The following RIN3 variants were observed in gnomAD, a reference collection of about 807,000 sequenced individuals.
RIN3 encodes the protein Ras and Rab interactor 3, also known as RAB5 interacting protein 3.
A neutral mutation model predicts 76.3 loss-of-function variants in RIN3; 54 were observed. The ratio of observed to expected loss-of-function variants is 0.71; its 90% CI spans 0.57 to 0.89. The LOEUF (loss-of-function observed/expected upper bound fraction) is 0.89. RIN3 is among the 40% of genes least tolerant of loss of function. RIN3 has a pLI of 0.00. For synonymous variants in RIN3, 576 were observed against 564.0 expected, an observed-to-expected ratio of 1.02 and a Z score of -0.30; for missense variants, 1,256 against 1,322.1, an observed-to-expected ratio of 0.95 and a Z score of 0.78.
chr14:92,687,732 G>T, intron 9 of RIN3, 194 bp from the exon 10 acceptor site: 1 of 549,652 alleles, frequency 1.8e-6, no homozygotes, highest in East Asian at 3.4e-5. Context: ...TGTCGGCCCA[G>T]CTGGGAAGCC....
intron 7 of RIN3, among the ~76,000 whole-genome samples, chr14:92,673,912 G>A (rs7153095): frequency 6.6e-6 from 1 of 152,038 alleles, no homozygotes; most frequent in Non-Finnish European, 1.5e-5. Flanking sequence ...GCCCACATAC[G>A]TTTGTGACGG....
intron 4 of RIN3, among the ~76,000 whole-genome samples, chr14:92,621,780 A>G (rs1194873228): frequency 6.6e-6 from 1 of 152,260 alleles, no homozygotes; most frequent in Non-Finnish European, 1.5e-5. Context: ...TTGGTAGACA[A>G]CATATAACAG....
chr14:92,531,280 A>G lies in RIN3; in HGVS notation c.44+17304A>G, dbSNP rs563342972. ...GATGGAATGTCTGTGTCCCCACAAA[A>G]TGTATGTGTTGAAATCCAATCCTCT... is the stretch of plus-strand genomic sequence containing the variant. On this transcript the variant is annotated intron_variant, in intron 1 of 9. Coordinates refer to ENST00000216487, the MANE Select transcript of RIN3 (RefSeq NM_024832.5). Among the ~76,000 whole-genome samples, 5 of 152,214 alleles carry G rather than the reference A, an allele frequency of 3.3e-5. No individual in the cohort carries two copies. In the South Asian group the frequency reaches 1.0e-3, roughly 32 times the overall value.
intron 1 of RIN3, among the ~76,000 whole-genome samples, chr14:92,555,500 G>A (rs1351940060): frequency 9.2e-5 from 14 of 152,142 alleles, no homozygotes. Context: ...ACACACACAG[G>A]CTGGTTTTGA....
Position 92,618,184 on chromosome 14 carries a change from C to T in RIN3, c.440+2705C>T, listed in dbSNP as rs117623276. Among the ~76,000 whole-genome samples, 150 of 152,224 alleles carry T rather than the reference C, an allele frequency of 9.9e-4. 3 individuals carry two copies. In the East Asian group the frequency reaches 0.022, roughly 23 times the overall value. On this transcript the variant is annotated intron_variant, in intron 4 of 9. Coordinates refer to ENST00000216487, the MANE Select transcript of RIN3 (RefSeq NM_024832.5). ...ATAAGGCTGGCTGCAAACTCCTGCA[C>T]GAATAAAAGTACACCCCATAAGTGC... is the stretch of plus-strand genomic sequence containing the variant.
chr14:92,667,872 G>T (rs115320739), intron 7 of RIN3, among the ~76,000 whole-genome samples: 1,508 of 148,302 alleles, frequency 0.01, 29 homozygotes, highest in African/African-American at 0.037. Flanking sequence ...TGACAGGAAT[G>T]GGGGGGCATC....
intron 3 of RIN3, among the ~76,000 whole-genome samples, chr14:92,596,122 A>G (rs1165130313): frequency 6.6e-6 from 1 of 152,168 alleles, no homozygotes; most frequent in Non-Finnish European, 1.5e-5. Context: ...TTCACATTGG[A>G]AACTTTTAGG....
At chr14:92,636,044 C>T (rs542289791) in intron 4 of RIN3, among the ~76,000 whole-genome samples, 33 of 152,252 alleles carry the variant, frequency 2.2e-4, no homozygotes, top group Non-Finnish European at 4.3e-4. Flanking sequence ...ATGGGGCAAG[C>T]CATTTAGTCC....
chr14:92,619,430 G>T (rs1886089311), intron 4 of RIN3, among the ~76,000 whole-genome samples: 2 of 133,912 alleles, frequency 1.5e-5, no homozygotes, highest in Non-Finnish European at 1.5e-5. Flanking sequence ...ACTGTTTCTA[G>T]TAGTCTTTTT....
intron 1 of RIN3, among the ~76,000 whole-genome samples, chr14:92,535,325 T>C (rs535919133): frequency 1.3e-5 from 2 of 149,498 alleles, no homozygotes; most frequent in East Asian, 3.9e-4. Flanking sequence ...TTTTTTCTTT[T>C]CTTTCTTTCT....
chr14:92,566,291 G>T (rs1050130466), intron 2 of RIN3, among the ~76,000 whole-genome samples: 3 of 152,160 alleles, frequency 2.0e-5, no homozygotes, highest in African/African-American at 7.2e-5. Flanking sequence ...TCAAGTGGTT[G>T]GCTTTTTGTC....
At chr14:92,646,471 T>A (rs1887203528) in intron 5 of RIN3, among the ~76,000 whole-genome samples, 1 of 152,176 alleles carries the variant, frequency 6.6e-6, no homozygotes. Flanking sequence ...TCTCACTCTT[T>A]TTGCCCAGGC....
chr14:92,525,486 G>C (rs1431822948), intron 1 of RIN3, among the ~76,000 whole-genome samples: 7 of 152,130 alleles, frequency 4.6e-5, no homozygotes, highest in Non-Finnish European at 1.0e-4. Context: ...TGTTTGCTGA[G>C]TTAATATATG....
chr14:92,575,480 T>G (rs958725185), intron 2 of RIN3, among the ~76,000 whole-genome samples: 2 of 152,204 alleles, frequency 1.3e-5, no homozygotes, highest in Non-Finnish European at 2.9e-5. Context: ...CATGCTCGAC[T>G]GATTATGCTT....
At chr14:92,562,299 G>T (rs948438049) in intron 2 of RIN3, among the ~76,000 whole-genome samples, 2 of 152,082 alleles carry the variant, frequency 1.3e-5, no homozygotes, top group African/African-American at 4.8e-5. Context: ...TTGATCAATT[G>T]CTGGGGTTGT....
At chr14:92,612,115 C>T (rs1885763386) in intron 3 of RIN3, among the ~76,000 whole-genome samples, 1 of 152,192 alleles carries the variant, frequency 6.6e-6, no homozygotes, top group Non-Finnish European at 1.5e-5. Context: ...CAGGCCCCAC[C>T]TCCAACACTG....
intron 4 of RIN3, among the ~76,000 whole-genome samples, chr14:92,628,267 G>A (rs1194277167): frequency 6.6e-6 from 1 of 152,188 alleles, no homozygotes. Flanking sequence ...TCCATGCAAT[G>A]CCATCCCACT....
At chr14:92,606,404 G>A (rs74789380) in intron 3 of RIN3, among the ~76,000 whole-genome samples, 15,287 of 151,860 alleles carry the variant, frequency 0.1, 934 homozygotes, top group Middle Eastern at 0.19. Flanking sequence ...AATTAGCTGG[G>A]CATGGTGGTG....
At position 92,623,964 on chromosome 14, in the gene RIN3, A is replaced by G. The variant is rs954745511; in HGVS notation, c.440+8485A>G. 1.3e-5 allele frequency among the ~76,000 whole-genome samples: 2 copies of G among 152,228 alleles called. No individual in the cohort carries two copies. Among genetic ancestry groups the G allele is most frequent in the Non-Finnish European group, 2.9e-5 (2 of 68,040 alleles). On this transcript the variant is annotated intron_variant, in intron 4 of 9. Transcript: ENST00000216487. The surrounding 1 kb of genome is among the most constrained non-coding windows in gnomAD (Gnocchi z 4.9). Reference sequence around the variant, plus strand: ...AGAGTTCGACAGAATTCACTATCCCAGGCTGTAGGGTGTTGGAAAAGAGCC... The same window carrying G: ...AGAGTTCGACAGAATTCACTATCCCGGGCTGTAGGGTGTTGGAAAAGAGCC...
Sources: gnomAD v4.1 joint callset for allele counts (sites outside exome capture counted in the v4.1 genomes callset) on GRCh38, gnomAD v4.1.1 for gene constraint, Gnocchi (gnomAD v3.1) non-coding constraint, MANE v1.5 for transcripts, NCBI Gene and HGNC (gene_info 2026-07-23, HGNC 2026-07-21) for gene names.